SNRPN: variants seen among roughly 807,000 people sequenced by gnomAD.
The protein encoded by SNRPN is small nuclear ribonucleoprotein-associated protein N.
SNRPN carries 7 observed loss-of-function variants against 25.2 expected under a neutral mutation model. That is an observed-to-expected ratio of 0.28 (90% CI 0.16 to 0.52). The LOEUF (loss-of-function observed/expected upper bound fraction) is 0.52. Among genes scored for constraint, SNRPN ranks in the 20% least tolerant of loss-of-function variants. The pLI, the probability that SNRPN is intolerant of heterozygous loss-of-function variation, is 0.96. For missense variants in SNRPN, 196 were observed against 322.5 expected (o/e 0.61, Z 3.00); for synonymous variants, 124 against 110.6 (o/e 1.12, Z -0.76).
At chr15:24,859,833 A>G (rs2053826946) in intron 1 of SNRPN, among the ~76,000 whole-genome samples, 1 of 152,178 alleles carries the variant, frequency 6.6e-6, no homozygotes, top group African/African-American at 2.4e-5. Context: ...CATATAAAGT[A>G]ACTTTCTGAT....
intron 1 of SNRPN, among the ~76,000 whole-genome samples, chr15:24,885,748 G>GTT (rs1470610673): frequency 6.6e-6 from 1 of 150,412 alleles, no homozygotes; most frequent in Non-Finnish European, 1.5e-5. Context: ...GTGTGTGTGT[G>GTT]TGTGTATGTC....
intron 3 of SNRPN, among the ~76,000 whole-genome samples, chr15:24,941,585 T>C (rs971004044): frequency 6.6e-6 from 1 of 152,150 alleles, no homozygotes; most frequent in Non-Finnish European, 1.5e-5. Context: ...GCTTGGTTAA[T>C]CCTGAAATAC....
intron 2 of SNRPN, among the ~76,000 whole-genome samples, chr15:24,840,780 C>T (rs1404059729): frequency 6.6e-6 from 1 of 152,188 alleles, no homozygotes; most frequent in Non-Finnish European, 1.5e-5. Flanking sequence ...GTAGCTTTGG[C>T]ATTCATTGTG....
chr15:24,847,822 T>C (rs1364687773), intron 2 of SNRPN, among the ~76,000 whole-genome samples: 1 of 152,148 alleles, frequency 6.6e-6, no homozygotes, highest in Non-Finnish European at 1.5e-5. Flanking sequence ...AGGAGTGTGA[T>C]ACCCTGAGCG....
chr15:24,968,909 G>GT (rs1298164604), intron 3 of SNRPN: 9 of 151,796 alleles, frequency 5.9e-5, no homozygotes, highest in Admixed American at 2.6e-4. Flanking sequence ...ATTTTGATTT[G>GT]TTTTCTTGTT....
intron 2 of SNRPN, among the ~76,000 whole-genome samples, chr15:24,966,279 T>TAA (rs912598466): frequency 6.8e-6 from 1 of 146,472 alleles, no homozygotes; most frequent in African/African-American, 2.7e-5. Flanking sequence ...GTGCTATACT[T>TAA]ACTAGTTTTT....
intron 1 of SNRPN, among the ~76,000 whole-genome samples, chr15:24,958,524 T>C (rs1273053089): frequency 1.1e-5 from 1 of 94,630 alleles, no homozygotes; most frequent in Non-Finnish European, 2.1e-5. Context: ...TTTTTTTAAA[T>C]AGACCAGGGT....
chr15:24,935,105 C>G (rs546538218), intron 3 of SNRPN, among the ~76,000 whole-genome samples: 1 of 152,114 alleles, frequency 6.6e-6, no homozygotes, highest in African/African-American at 2.4e-5. Flanking sequence ...AACCCCATCT[C>G]TACTAAAATA....
At chr15:24,918,631 TAAC>T (rs2059749743) in intron 2 of SNRPN, among the ~76,000 whole-genome samples, 3 of 113,092 alleles carry the variant, frequency 2.7e-5, no homozygotes, top group Admixed American at 1.1e-4. Flanking sequence ...TGTGTATATA[TAAC>T]ATAATATATA....
At chr15:24,967,430 A>G (rs2075802273) in intron 2 of SNRPN, among the ~76,000 whole-genome samples, 1 of 151,996 alleles carries the variant, frequency 6.6e-6, no homozygotes, top group African/African-American at 2.4e-5. Context: ...ACCTGAGGTC[A>G]TGAGTTCCAG....
intron 1 of SNRPN, among the ~76,000 whole-genome samples, chr15:24,960,529 T>C (rs937534012): frequency 5.9e-5 from 9 of 152,086 alleles, no homozygotes; most frequent in African/African-American, 1.9e-4. Flanking sequence ...TTTGTATAGA[T>C]GTTGCCCAAG....
chr15:24,942,598 A>G (rs1455521437), intron 3 of SNRPN: 2 of 152,250 alleles, frequency 1.3e-5, no homozygotes, highest in African/African-American at 4.8e-5. Flanking sequence ...TACAGAGGGA[A>G]CTTTTGACAG....
At chr15:24,832,404 C>T (rs970756283) in intron 2 of SNRPN, among the ~76,000 whole-genome samples, 1 of 151,948 alleles carries the variant, frequency 6.6e-6, no homozygotes, top group Non-Finnish European at 1.5e-5. Context: ...CTTCCTGGGT[C>T]GAGTGGGGAC....
intron 5 of SNRPN, 67 bp from the exon 6 acceptor site, chr15:24,976,238 T>A: frequency 4.2e-6 from 5 of 1,188,184 alleles, no homozygotes; most frequent in Non-Finnish European, 6.3e-6. Context: ...CTTGAGGTTG[T>A]ATAAATATTT....
In SNRPN at chr15:24,874,309, C is replaced by CAAAA. The variant is rs199834006; in HGVS notation, c.-578-12186_-578-12183dup. 7.5e-3 allele frequency among the ~76,000 whole-genome samples: 461 copies of CAAAA among 61,284 alleles called. 26 individuals carry two copies. The highest frequency in any genetic ancestry group is 0.016 in the South Asian group (20 of 1,266). The allele number at this position is 61,284 out of a possible 152,430, so 40.2% of individuals were successfully genotyped here. A position where few individuals can be genotyped will look rare whatever the true frequency, so the allele number is the denominator to read the frequency against. On this transcript the variant is annotated intron_variant, in intron 1 of 11. Coordinates refer to the SNRPN transcript ENST00000400097. Reference sequence around the variant, plus strand: ...TGGGTGACAGAGTGAGACTCTGTCTCAAAAAAAAAAAAAAAAAAAAAAAAG... The same window carrying CAAAA: ...TGGGTGACAGAGTGAGACTCTGTCTCAAAAAAAAAAAAAAAAAAAAAAAAAAAAG...
At chr15:24,869,413 T>G (rs987949165) in intron 1 of SNRPN, among the ~76,000 whole-genome samples, 1 of 152,158 alleles carries the variant, frequency 6.6e-6, no homozygotes, top group African/African-American at 2.4e-5. Context: ...CACATTTTAT[T>G]TAGAATTTTT....
intron 3 of SNRPN, among the ~76,000 whole-genome samples, chr15:24,927,230 C>T (rs532873010): frequency 1.3e-5 from 2 of 151,910 alleles, no homozygotes; most frequent in Non-Finnish European, 2.9e-5. Context: ...AAAGAAACCT[C>T]CTGCCTGAGC....
chr15:24,888,694 A>T (rs2057393319), intron 2 of SNRPN, among the ~76,000 whole-genome samples: 1 of 152,178 alleles, frequency 6.6e-6, no homozygotes, highest in African/African-American at 2.4e-5. Flanking sequence ...AGTTTCCTAC[A>T]GATAGTCAAC....
chr15:24,978,041 T>C, intron 8 of SNRPN, 125 bp downstream of exon 8: 1 of 1,206,488 alleles, frequency 8.3e-7, no homozygotes, highest in Admixed American at 2.3e-5. Flanking sequence ...ATACTGGTTT[T>C]TAATGAAAGA....
Sources: gnomAD v4.1 joint callset for allele counts (sites outside exome capture counted in the v4.1 genomes callset) on GRCh38, gnomAD v4.1.1 for gene constraint, MANE v1.5 for transcripts, NCBI Gene and HGNC (gene_info 2026-07-23, HGNC 2026-07-21) for gene names.